Variants in EVC2 observed in about 807,000 individuals in gnomAD.
EVC2 encodes limbin.
Under a neutral mutation model 149.3 loss-of-function variants are expected in EVC2, and 148 were observed. The ratio of observed to expected loss-of-function variants is 0.99; its 90% confidence interval spans 0.87 to 1.14. The LOEUF (loss-of-function observed/expected upper bound fraction) is 1.14, where lower values mean the gene tolerates loss of function less well. Ranked by LOEUF, EVC2 falls within the 50% of genes most tolerant of loss-of-function variation. EVC2 has a pLI of 0.00. For missense variants in EVC2, 1,854 were observed against 1,627.3 expected, an observed-to-expected ratio of 1.14 and a Z score of -2.40; for synonymous variants, 776 against 649.9, an observed-to-expected ratio of 1.19 and a Z score of -2.95.
chr4:5,642,116 T>C (rs1040696612), intron 9 of EVC2, among the ~76,000 whole-genome samples: 23 of 152,226 alleles, frequency 1.5e-4, no homozygotes, highest in African/African-American at 1.2e-4. Flanking sequence ...TATGAACTCA[T>C]TATTTTTTAT....
At chr4:5,570,389 G>A (rs918759190) in intron 19 of EVC2, among the ~76,000 whole-genome samples, 1 of 152,186 alleles carries the variant, frequency 6.6e-6, no homozygotes, top group Non-Finnish European at 1.5e-5. Flanking sequence ...TCCCTGATCA[G>A]TAATCCTCCA....
downstream of EVC2, among the ~76,000 whole-genome samples, chr4:5,539,359 C>T (rs1480542179): frequency 6.6e-6 from 1 of 151,766 alleles, no homozygotes; most frequent in African/African-American, 2.4e-5. Flanking sequence ...TAAATTCTCC[C>T]TAAACTGATC....
At chr4:5,599,393 A>C (rs994797970) in intron 16 of EVC2, among the ~76,000 whole-genome samples, 1 of 152,190 alleles carries the variant, frequency 6.6e-6, no homozygotes, top group Non-Finnish European at 1.5e-5. Context: ...ATGCAGCCAT[A>C]AAAAATGATG....
rs1722530032 is a variant in EVC2 at position 5,569,674 on chromosome 4, G to T, written c.3361-1034C>A. ...GCAGGGGTGGGAGGGAACAAGTCCAGGTGCCGGAAGCCAAGGAGAGAACGT... is the reference window on the plus strand; with the variant it reads ...GCAGGGGTGGGAGGGAACAAGTCCATGTGCCGGAAGCCAAGGAGAGAACGT... On this transcript the variant is annotated intron_variant, in intron 19 of 21. Coordinates refer to ENST00000344408, the MANE Select transcript of EVC2 (RefSeq NM_147127.5). The surrounding 1 kb of genome is among the most constrained non-coding windows in gnomAD (Gnocchi z 4.8). Among the ~76,000 whole-genome samples the T allele has an allele frequency of 6.6e-6, 1 of 152,048 alleles. No individual in the cohort carries two copies. Among genetic ancestry groups the T allele is most frequent in the Non-Finnish European group, 1.5e-5 (1 of 68,014 alleles).
chr4:5,604,883 C>G (rs1714263799), intron 16 of EVC2, among the ~76,000 whole-genome samples: 1 of 151,002 alleles, frequency 6.6e-6, no homozygotes, highest in Non-Finnish European at 1.5e-5. Context: ...TTCCTGCCTC[C>G]CCTTCCACCT....
chr4:5,674,055 C>A (rs372341636), intron 7 of EVC2, among the ~76,000 whole-genome samples: 13 of 134,152 alleles, frequency 9.7e-5, no homozygotes, highest in African/African-American at 3.7e-4. Context: ...TCCTCCGGAA[C>A]AGTCTAAGAA....
chr4:5,575,424 G>A (rs1392696288), intron 18 of EVC2, among the ~76,000 whole-genome samples: 4 of 152,122 alleles, frequency 2.6e-5, no homozygotes, highest in East Asian at 3.9e-4. Flanking sequence ...CTCCAACCAC[G>A]CAGATGGGGC....
chr4:5,634,896 C>A (rs1292663298), intron 10 of EVC2, among the ~76,000 whole-genome samples: 1 of 152,112 alleles, frequency 6.6e-6, no homozygotes, highest in Non-Finnish European at 1.5e-5. Flanking sequence ...CCTGTAGGGG[C>A]AGCCTCCACC....
chr4:5,701,463 C>G (rs755945126), intron 1 of EVC2, among the ~76,000 whole-genome samples: 1 of 152,142 alleles, frequency 6.6e-6, no homozygotes, highest in Non-Finnish European at 1.5e-5. Context: ...TGCTCTCCAC[C>G]CTTGACCTTC....
At position 5,677,621 on chromosome 4, in the gene EVC2, T is replaced by C. The variant is rs1182732727; in HGVS notation, c.870+3639A>G. ...TGAGCCTGCGGCATCGGGGAAGAGC[T>C]CAGAAATACCCTTACATGAGCATTC... On this transcript the variant is annotated intron_variant, in intron 7 of 21. Coordinates refer to ENST00000344408, the MANE Select transcript of EVC2 (RefSeq NM_147127.5). This position sits in a 1 kb window ranked among gnomAD's most constrained non-coding sequence, Gnocchi z 4.3. 1.3e-5 allele frequency among the ~76,000 whole-genome samples: 2 copies of C among 152,154 alleles called. No individual in the cohort carries two copies. Among genetic ancestry groups the C allele is most frequent in the Non-Finnish European group, 2.9e-5 (2 of 68,026 alleles).
At chr4:5,653,183 T>A (rs956509248) in intron 9 of EVC2, among the ~76,000 whole-genome samples, 1 of 152,198 alleles carries the variant, frequency 6.6e-6, no homozygotes. Flanking sequence ...CCCACCCTAA[T>A]AGCCTCACCT....
chr4:5,539,017 T>C (rs1721466625), downstream of EVC2, among the ~76,000 whole-genome samples: 1 of 152,274 alleles, frequency 6.6e-6, no homozygotes, highest in South Asian at 2.1e-4. Context: ...ACTGTCTTTA[T>C]TCAACAACAC....
chr4:5,694,259 C>G lies in EVC2; in HGVS notation c.450+76G>C, dbSNP rs181786826. On this transcript the variant is annotated intron_variant, in intron 3 of 21. Coordinates refer to ENST00000344408, the MANE Select transcript of EVC2 (RefSeq NM_147127.5). ...TTTTTTAAGCAACAAAAACCCGTGC[C>G]ATTTTATATACAGGCCATAATTGGT... 25 of 1,511,374 alleles carry G rather than the reference C, an allele frequency of 1.7e-5. No homozygotes were observed. In the Admixed American group the frequency reaches 3.5e-4, roughly 21 times the overall value. The allele number at this position is 1,511,374 out of a possible 1,614,324, so 93.6% of individuals were successfully genotyped here. A position where few individuals can be genotyped will look rare whatever the true frequency, so the allele number is the denominator to read the frequency against.
chr4:5,689,025 T>G, intron 5 of EVC2, 132 bp downstream of exon 5: 1 of 970,162 alleles, frequency 1.0e-6, no homozygotes, highest in Non-Finnish European at 1.6e-6. Flanking sequence ...GATAGTAAGA[T>G]CCACTGTGAG....
At chr4:5,542,868 A>T (rs534170048) in exon 23 of EVC2, 20 of 311,180 alleles carry the variant, frequency 6.4e-5, no homozygotes, top group African/African-American at 2.4e-4. Context: ...TCATAGGAAC[A>T]ACAGCAGCTC....
At chr4:5,568,416 C>G (rs540137033) in intron 20 of EVC2, 28 bp downstream of exon 20, 2 of 1,537,466 alleles carry the variant, frequency 1.3e-6, no homozygotes, top group Admixed American at 3.9e-5. Context: ...GGACGTGCCC[C>G]GGGAGGCAGC....
At position 5,625,667 on chromosome 4, in the gene EVC2, C is replaced by A; in HGVS notation, c.2046+82G>T. On this transcript the variant is annotated intron_variant, in intron 13 of 21. Transcript: ENST00000344408. This position sits in a 1 kb window ranked among gnomAD's most constrained non-coding sequence, Gnocchi z 4.0. The stretch of plus-strand genomic sequence containing the variant: ...CCTTCTGATCCTAGTTCACCAATGG[C>A]AATGTCTGGCACAGTACCTGGCACT... 6.4e-7 allele frequency: 1 copy of A among 1,573,404 alleles called. No individual in the cohort carries two copies.
At chr4:5,695,725 C>T (rs888671922) in intron 2 of EVC2, among the ~76,000 whole-genome samples, 2 of 152,156 alleles carry the variant, frequency 1.3e-5, no homozygotes, top group Admixed American at 6.5e-5. Flanking sequence ...GGCATTGTGC[C>T]TTCTTCAACA....
chr4:5,579,558 G>A (rs568255697), intron 17 of EVC2, among the ~76,000 whole-genome samples: 45 of 152,224 alleles, frequency 3.0e-4, no homozygotes, highest in South Asian at 1.5e-3. Flanking sequence ...AGAAGATGCC[G>A]AGGCTGGGCG....
Sources: gnomAD v4.1 joint callset for allele counts (sites outside exome capture counted in the v4.1 genomes callset) on GRCh38, gnomAD v4.1.1 for gene constraint, Gnocchi (gnomAD v3.1) non-coding constraint, MANE v1.5 for transcripts, NCBI Gene and HGNC (gene_info 2026-07-23, HGNC 2026-07-21) for gene names.